Variants in CLVS1 observed in about 807,000 individuals in gnomAD.
CLVS1 encodes clavesin 1.
CLVS1 carries 10 observed loss-of-function variants against 33.1 expected under a neutral mutation model. The ratio of observed to expected loss-of-function variants is 0.30; its 90% CI spans 0.19 to 0.51. CLVS1 has a LOEUF of 0.51. CLVS1 is among the 20% of genes least tolerant of loss of function. CLVS1 has a pLI of 0.97. For synonymous variants in CLVS1, 163 were observed against 166.1 expected (o/e 0.98, Z 0.14); for missense variants, 343 against 433.4 (o/e 0.79, Z 1.85).
chr8:61,154,616 T>C (rs764292886), intron 2 of CLVS1, among the ~76,000 whole-genome samples: 1 of 152,236 alleles, frequency 6.6e-6, no homozygotes, highest in Non-Finnish European at 1.5e-5. Context: ...GACAATCCTT[T>C]GTTCAAGTTC....
intron 4 of CLVS1, among the ~76,000 whole-genome samples, chr8:61,455,701 C>T (rs1392839724): frequency 6.6e-6 from 1 of 152,194 alleles, no homozygotes; most frequent in African/African-American, 2.4e-5. Flanking sequence ...GAACACCACT[C>T]CTTATGGGAA....
intron 5 of CLVS1, 33 bp from the exon 6 acceptor site, chr8:61,499,422 G>T: frequency 6.7e-7 from 1 of 1,486,308 alleles, no homozygotes; most frequent in South Asian, 1.1e-5. Context: ...TGAATTGTTT[G>T]TAATTCTGTC....
chr8:61,222,606 G>A (rs779297017), intron 2 of CLVS1, among the ~76,000 whole-genome samples: 5 of 152,154 alleles, frequency 3.3e-5, no homozygotes, highest in East Asian at 1.9e-4. Flanking sequence ...TTATGTGGTC[G>A]ATTTTAGAGT....
intron 2 of CLVS1, among the ~76,000 whole-genome samples, chr8:61,251,343 A>G (rs1035074345): frequency 5.9e-5 from 9 of 152,182 alleles, no homozygotes; most frequent in Admixed American, 2.0e-4. Context: ...TTTCGCATCT[A>G]TGTTCATCAG....
At chr8:61,120,132 A>G (rs1805825656) in intron 1 of CLVS1, among the ~76,000 whole-genome samples, 2 of 146,328 alleles carry the variant, frequency 1.4e-5, no homozygotes, top group African/African-American at 2.5e-5. Flanking sequence ...TTCATCTTCC[A>G]TCGCTGATAC....
At chr8:61,447,864 T>C (rs890731776) in intron 3 of CLVS1, among the ~76,000 whole-genome samples, 1 of 152,170 alleles carries the variant, frequency 6.6e-6, no homozygotes, top group African/African-American at 2.4e-5. Context: ...TCTTATCATT[T>C]CCTTTCTGTT....
At chr8:61,034,023 C>A in the CLVS1 span, among the ~76,000 whole-genome samples, 3 of 152,064 alleles carry the variant, frequency 2.0e-5, no homozygotes, top group African/African-American at 7.2e-5. Flanking sequence ...ACAAGTTCAG[C>A]GGGAGAGGCC....
chr8:61,320,401 T>C (rs1563494332), intron 2 of CLVS1, among the ~76,000 whole-genome samples: 1 of 152,214 alleles, frequency 6.6e-6, no homozygotes, highest in African/African-American at 2.4e-5. Context: ...AGATAAGCTT[T>C]GTGCTTTCAA....
At position 61,458,559 on chromosome 8, in the gene CLVS1, C is replaced by G; in HGVS notation, c.977+17C>G. The G allele has an allele frequency of 1.3e-6, 2 of 1,499,486 alleles. No individual in the cohort carries two copies. Among genetic ancestry groups the G allele is most frequent in the South Asian group, 1.2e-5 (1 of 80,100 alleles). The allele number at this position is 1,499,486 out of a possible 1,614,324, so 92.9% of individuals were successfully genotyped here. A position where few individuals can be genotyped will look rare whatever the true frequency, so the allele number is the denominator to read the frequency against. ...GATGAAAAGGTAAGGCCTGGGTTAT[C>G]AGAGCCCCCCCCCCAGTCAGAGGTC... On this transcript the variant is annotated intron_variant, in intron 5 of 5. Coordinates refer to ENST00000325897, the MANE Select transcript of CLVS1 (RefSeq NM_173519.3).
upstream of CLVS1, among the ~76,000 whole-genome samples, chr8:61,284,308 G>C (rs926238821): frequency 1.3e-5 from 2 of 152,258 alleles, no homozygotes; most frequent in African/African-American, 4.8e-5. Context: ...CACTGCTATA[G>C]CAGAATGACT....
intron 2 of CLVS1, among the ~76,000 whole-genome samples, chr8:61,219,540 G>A (rs989390554): frequency 6.6e-6 from 1 of 152,126 alleles, no homozygotes; most frequent in Non-Finnish European, 1.5e-5. Context: ...TTCTTATCCA[G>A]TCTATCATTG....
Position 61,265,136 on chromosome 8 carries a change from T to C in CLVS1, c.-151-34541T>C, listed in dbSNP as rs138689804. ...CAATTAAATTTTCAACATTATCACA[T>C]GGATGTATGATAGGCATTAGAAAAT... is the stretch of plus-strand genomic sequence containing the variant. On this transcript the variant is annotated intron_variant, in intron 2 of 2. Coordinates refer to the CLVS1 transcript ENST00000522621. Among the ~76,000 whole-genome samples the C allele has an allele frequency of 5.7e-3, 868 of 152,252 alleles. 4 individuals carry two copies. Among genetic ancestry groups the C allele is most frequent in the Middle Eastern group, 0.031 (9 of 294 alleles).
chr8:61,273,035 G>A (rs924780754), intron 2 of CLVS1, among the ~76,000 whole-genome samples: 1 of 151,118 alleles, frequency 6.6e-6, no homozygotes, highest in Non-Finnish European at 1.5e-5. Flanking sequence ...CGTTGCTGGT[G>A]AGGAACTGCG....
intron 2 of CLVS1, among the ~76,000 whole-genome samples, chr8:61,149,206 A>C (rs575879044): frequency 6.6e-6 from 1 of 152,282 alleles, no homozygotes; most frequent in East Asian, 1.9e-4. Flanking sequence ...CTTACTAAAA[A>C]AATAGTTGAA....
At chr8:61,437,958 G>T (rs139905901) in intron 3 of CLVS1, among the ~76,000 whole-genome samples, 16 of 152,146 alleles carry the variant, frequency 1.1e-4, no homozygotes, top group African/African-American at 3.9e-4. Flanking sequence ...GATCTGACAG[G>T]CCTGGATTCA....
the CLVS1 span, among the ~76,000 whole-genome samples, chr8:61,027,138 C>T: frequency 5.3e-5 from 8 of 152,008 alleles, no homozygotes; most frequent in East Asian, 1.9e-4. Context: ...CCCAATAGGG[C>T]GAAGAATGCA....
At chr8:61,111,919 A>T (rs1483085278) in intron 1 of CLVS1, among the ~76,000 whole-genome samples, 1 of 152,194 alleles carries the variant, frequency 6.6e-6, no homozygotes, top group African/African-American at 2.4e-5. Context: ...GATCTCTCCA[A>T]TTCACAGTCT....
chr8:61,241,954 T>A (rs1808705551), intron 2 of CLVS1, among the ~76,000 whole-genome samples: 3 of 152,298 alleles, frequency 2.0e-5, no homozygotes, highest in South Asian at 4.1e-4. Flanking sequence ...ATTTCTCCAG[T>A]GCTTTAAACG....
At chr8:61,237,736 A>G (rs901800205) in intron 2 of CLVS1, among the ~76,000 whole-genome samples, 1 of 152,170 alleles carries the variant, frequency 6.6e-6, no homozygotes, top group Admixed American at 6.6e-5. Flanking sequence ...CCCACAGATA[A>G]GCAAAGGCCT....
Sources: allele counts gnomAD v4.1 joint callset (sites outside exome capture counted in the v4.1 genomes callset), GRCh38; gene constraint gnomAD v4.1.1; transcripts MANE v1.5; gene names NCBI Gene and HGNC (gene_info 2026-07-23, HGNC 2026-07-21).